Variants in TLE1 observed in about 807,000 individuals in gnomAD.
The protein encoded by TLE1 is transducin-like enhancer protein 1.
A neutral mutation model predicts 89.8 loss-of-function variants in TLE1; 21 were observed. The observed-to-expected ratio is 0.23, with a 90% CI of 0.17 to 0.34. TLE1 has a LOEUF of 0.34. Ranked by LOEUF, TLE1 falls within the 10% of genes least tolerant of loss-of-function variation. The pLI, the probability that TLE1 is intolerant of heterozygous loss-of-function variation, is 1.00. For missense variants in TLE1, 795 were observed against 1,031.2 expected, an observed-to-expected ratio of 0.77 and a Z score of 3.14; for synonymous variants, 447 against 407.6, an observed-to-expected ratio of 1.10 and a Z score of -1.16.
At chr9:81,674,394 C>T (rs895920279) in intron 4 of TLE1, among the ~76,000 whole-genome samples, 1 of 152,144 alleles carries the variant, frequency 6.6e-6, no homozygotes, top group Non-Finnish European at 1.5e-5. Context: ...TCCTGAGGAG[C>T]AACCGGAAGG....
At chr9:81,659,656 A>G (rs142790799) in intron 4 of TLE1, among the ~76,000 whole-genome samples, 18 of 152,120 alleles carry the variant, frequency 1.2e-4, no homozygotes, top group African/African-American at 4.1e-4. Context: ...ACCTATGCCA[A>G]CTCTCCTCAC....
chr9:81,643,383 T>G (rs1479418555), intron 6 of TLE1, among the ~76,000 whole-genome samples: 1 of 151,462 alleles, frequency 6.6e-6, no homozygotes, highest in Non-Finnish European at 1.5e-5. Flanking sequence ...GTTACAGGCA[T>G]GTGCCACCAC....
At chr9:81,631,618 T>C (rs940571878) in intron 8 of TLE1, among the ~76,000 whole-genome samples, 10 of 152,210 alleles carry the variant, frequency 6.6e-5, no homozygotes, top group African/African-American at 2.4e-4. Flanking sequence ...ATGCACTCAA[T>C]GAACATAGCC....
chr9:81,647,773 A>C (rs1829035511), intron 6 of TLE1, among the ~76,000 whole-genome samples: 1 of 152,354 alleles, frequency 6.6e-6, no homozygotes, highest in South Asian at 2.1e-4. Flanking sequence ...GCAGCTAAGT[A>C]TCCTCCCCAA....
chr9:81,634,276 A>G lies in TLE1; in HGVS notation c.398T>C (p.Leu133Pro), dbSNP rs768934883. The change falls in exon 7 of 20, where the codon CTT (leucine) becomes CCT (proline). Residue 133 changes from leucine to proline, a missense_variant. By Grantham distance (98) the Leu-to-Pro change is moderately conservative. This residue lies in a region of TLE1 where 66 missense variants were observed against 118.7 expected (regional missense o/e 0.56). Coordinates refer to ENST00000376499, the MANE Select transcript of TLE1 (RefSeq NM_005077.5). ...IGQQQLQAQH[L>P]SHGHGPPVPL... ...AACTGGGGGTCCGTGGCCATGAGAAAGATGCTGAGCTTGCAACTGCTGCTG... is the reference window on the plus strand; with the variant it reads ...AACTGGGGGTCCGTGGCCATGAGAAGGATGCTGAGCTTGCAACTGCTGCTG... 17 of 1,546,688 alleles carry G rather than the reference A, an allele frequency of 1.1e-5. No homozygotes were observed. The highest frequency in any genetic ancestry group is 1.5e-5 in the Non-Finnish European group (17 of 1,139,262).
Position 81,643,273 on chromosome 9 carries a change from G to A in TLE1, c.372+8941C>T, listed in dbSNP as rs553886484. Among the ~76,000 whole-genome samples, 4 of 151,604 alleles carry A rather than the reference G, an allele frequency of 2.6e-5. No homozygotes were observed. The East Asian group carries it at 5.8e-4, about 22-fold the overall frequency. On this transcript the variant is annotated intron_variant, in intron 6 of 19. Transcript: ENST00000376499. ...TTTTTTTTGACAGAGTTTCGCTCTCGTTGCCCAGGCTGGAGTACAATGGTG... is the reference window on the plus strand; with the variant it reads ...TTTTTTTTGACAGAGTTTCGCTCTCATTGCCCAGGCTGGAGTACAATGGTG...
intron 4 of TLE1, among the ~76,000 whole-genome samples, chr9:81,661,040 T>C (rs1219198874): frequency 2.7e-5 from 4 of 149,852 alleles, no homozygotes; most frequent in East Asian, 2.0e-4. Flanking sequence ...TGAGGCAGAA[T>C]TGCTTGAACC....
At chr9:81,645,311 G>A (rs980941422) in intron 6 of TLE1, among the ~76,000 whole-genome samples, 7 of 148,856 alleles carry the variant, frequency 4.7e-5, no homozygotes, top group African/African-American at 9.9e-5. Context: ...TGCAGTGAGC[G>A]CCAAGATCGC....
At chr9:81,608,323 C>T (rs1391132279) in intron 14 of TLE1, among the ~76,000 whole-genome samples, 1 of 152,128 alleles carries the variant, frequency 6.6e-6, no homozygotes, top group Non-Finnish European at 1.5e-5. Context: ...CCAGCCTGGG[C>T]AACATAGGGA....
intron 4 of TLE1, among the ~76,000 whole-genome samples, chr9:81,673,684 G>A (rs1332437199): frequency 1.3e-5 from 2 of 151,994 alleles, no homozygotes; most frequent in Non-Finnish European, 2.9e-5. Flanking sequence ...CACACAAAGG[G>A]AGGCTGGGAA....
At chr9:81,651,579 A>G (rs1829538455) in intron 6 of TLE1, among the ~76,000 whole-genome samples, 1 of 152,174 alleles carries the variant, frequency 6.6e-6, no homozygotes, top group Non-Finnish European at 1.5e-5. Flanking sequence ...TTCATGAAAG[A>G]GGCACAAGAA....
At chr9:81,683,003 C>CA (rs1000388057) in intron 4 of TLE1, among the ~76,000 whole-genome samples, 10 of 152,210 alleles carry the variant, frequency 6.6e-5, no homozygotes, top group Non-Finnish European at 1.5e-4. Flanking sequence ...GTGGGCACCA[C>CA]ACCAGGAAAG....
intron 6 of TLE1, among the ~76,000 whole-genome samples, chr9:81,638,667 C>G (rs114529653): frequency 0.021 from 3,182 of 152,290 alleles, 96 homozygotes; most frequent in African/African-American, 0.065. Context: ...CACTGTTGCC[C>G]AGGCTGGAAT....
intron 4 of TLE1, among the ~76,000 whole-genome samples, chr9:81,666,301 G>T (rs1831455957): frequency 6.6e-6 from 1 of 152,052 alleles, no homozygotes; most frequent in South Asian, 2.1e-4. Flanking sequence ...AAGCAAGCAA[G>T]CCTCTCCCTG....
chr9:81,591,427 C>T (rs952778954), intron 15 of TLE1, among the ~76,000 whole-genome samples: 15 of 152,300 alleles, frequency 9.8e-5, no homozygotes, highest in African/African-American at 2.9e-4. Context: ...CTCTATGTTT[C>T]GGTCTTCGTT....
rs563362849 is a variant in TLE1 at position 81,688,138 on chromosome 9, G to A, written c.24+79C>T. 3.7e-4 allele frequency: 586 copies of A among 1,563,694 alleles called. 2 individuals are homozygous for A. The highest frequency in any genetic ancestry group is 1.9e-3 in the South Asian group (170 of 87,302). ...CGAGAAGGTCCGCCGGGCCTCAGAA[G>A]CCACCAGTCTCCCTACCGCCCGGGA... On this transcript the variant is annotated intron_variant, in intron 1 of 19. Transcript: ENST00000376499.
At chr9:81,662,264 G>A (rs915262132) in intron 4 of TLE1, among the ~76,000 whole-genome samples, 1 of 152,014 alleles carries the variant, frequency 6.6e-6, no homozygotes, top group African/African-American at 2.4e-5. Context: ...GGCATGGCAA[G>A]TAGCCATTAA....
At chr9:81,610,629 G>T (rs1823574209) in intron 13 of TLE1, among the ~76,000 whole-genome samples, 3 of 152,086 alleles carry the variant, frequency 2.0e-5, no homozygotes, top group Admixed American at 2.0e-4. Context: ...CAGCACTATT[G>T]ACATTTGGGG....
intron 4 of TLE1, among the ~76,000 whole-genome samples, chr9:81,659,227 C>T (rs893817754): frequency 1.3e-5 from 2 of 152,120 alleles, no homozygotes; most frequent in Non-Finnish European, 2.9e-5. Context: ...GACTCCTGCC[C>T]ATGCTTCTAT....
Sources: gnomAD v4.1 joint callset for allele counts (sites outside exome capture counted in the v4.1 genomes callset) on GRCh38, gnomAD v4.1.1 for gene constraint, gnomAD v4.1.1 regional missense constraint, MANE v1.5 for transcripts, NCBI Gene and HGNC (gene_info 2026-07-23, HGNC 2026-07-21) for gene names.